GLI2: variants seen among roughly 807,000 people sequenced by gnomAD.
The protein encoded by GLI2 is transcription activator GLI2.
Under a neutral mutation model 78.9 loss-of-function variants are expected in GLI2, and 22 were observed. The ratio of observed to expected loss-of-function variants is 0.28; its 90% CI spans 0.20 to 0.40. The LOEUF (loss-of-function observed/expected upper bound fraction) is 0.40, where lower values mean the gene tolerates loss of function less well. Ranked by LOEUF, GLI2 falls within the 10% of genes least tolerant of loss-of-function variation. The probability of loss-of-function intolerance (pLI) is 1.00; values close to 1 mark genes in which losing one functional copy is unlikely to be tolerated. For synonymous variants in GLI2, 974 were observed against 963.7 expected, an observed-to-expected ratio of 1.01 and a Z score of -0.20; for missense variants, 2,097 against 2,213.2, an observed-to-expected ratio of 0.95 and a Z score of 1.05.
intron 11 of GLI2, among the ~76,000 whole-genome samples, chr2:120,983,738 C>A (rs1381929556): frequency 6.6e-6 from 1 of 152,314 alleles, no homozygotes; most frequent in Middle Eastern, 3.4e-3. Flanking sequence ...CAGGCTTACT[C>A]GGAAATGTAT....
chr2:120,948,917 A>G (rs752198725), intron 3 of GLI2, among the ~76,000 whole-genome samples: 5 of 152,138 alleles, frequency 3.3e-5, no homozygotes, highest in Non-Finnish European at 7.4e-5. Context: ...AAGTCAGGAC[A>G]GAAGGCACCT....
chr2:120,879,315 T>A (rs1257542881), intron 2 of GLI2, among the ~76,000 whole-genome samples: 1 of 152,142 alleles, frequency 6.6e-6, no homozygotes, highest in Non-Finnish European at 1.5e-5. Context: ...AGCTGAGTGT[T>A]GGGAAGGGCT....
chr2:120,769,011 C>A (rs1441118360), intron 1 of GLI2, among the ~76,000 whole-genome samples: 1 of 152,216 alleles, frequency 6.6e-6, no homozygotes, highest in African/African-American at 2.4e-5. Context: ...CCCAGGCTGG[C>A]CAGGCCCTAT....
At position 120,927,465 on chromosome 2, in the gene GLI2, G is replaced by T; in HGVS notation, c.253G>T (p.Gly85Trp). 1 of 1,603,204 alleles carries T rather than the reference G, an allele frequency of 6.2e-7. No individual in the cohort carries two copies. Among genetic ancestry groups the T allele is most frequent in the Non-Finnish European group, 8.5e-7 (1 of 1,170,108 alleles). ...GCCTCATTCTGTCCACGGTGTGCAC[G>T]GGTAAGTCCTGCCCTCTGCCTGCTG... ...YEPHSVHGVHGPPALSGSPVI... is the reference protein window; with the variant it reads ...YEPHSVHGVHWPPALSGSPVI... The change falls in exon 3 of 14, where the codon GGG becomes TGG. Residue 85 changes from glycine (G) to tryptophan (W), a missense_variant and splice_region_variant. By Grantham distance (184) the Gly-to-Trp change is radical. Around this residue, in one of 5 missense-constraint regions of GLI2, gnomAD observed 578 missense variants for 612.0 expected, o/e 0.94. Transcript: ENST00000361492.
chr2:120,912,730 A>G (rs958206354), intron 2 of GLI2, among the ~76,000 whole-genome samples: 1 of 151,144 alleles, frequency 6.6e-6, no homozygotes, highest in Admixed American at 6.6e-5. Context: ...CTTTCTGCGG[A>G]CCCTCTTATT....
intron 3 of GLI2, among the ~76,000 whole-genome samples, chr2:120,938,573 G>A (rs2871874): frequency 0.84 from 127,427 of 152,264 alleles, 57,420 homozygotes; most frequent in East Asian, 1. Flanking sequence ...AACTGAAAAC[G>A]GTGATTTCTT....
At chr2:120,963,012 G>A (rs1007375964) in intron 5 of GLI2, among the ~76,000 whole-genome samples, 4 of 152,278 alleles carry the variant, frequency 2.6e-5, no homozygotes, top group Admixed American at 1.3e-4. Flanking sequence ...CCTTTGAAGC[G>A]AGGATTGACA....
chr2:120,837,262 C>T (rs908421105), intron 2 of GLI2, among the ~76,000 whole-genome samples: 10 of 152,008 alleles, frequency 6.6e-5, no homozygotes, highest in South Asian at 4.2e-4. Flanking sequence ...GGTGTGGTGG[C>T]GGGCGCCTGT....
intron 2 of GLI2, among the ~76,000 whole-genome samples, chr2:120,807,227 G>T (rs944974664): frequency 3.3e-5 from 5 of 152,132 alleles, no homozygotes; most frequent in African/African-American, 1.2e-4. Context: ...CCTGGGCTTG[G>T]ACAGGTGAGG....
intron 5 of GLI2, among the ~76,000 whole-genome samples, chr2:120,957,865 A>G (rs944003531): frequency 1.3e-5 from 2 of 152,254 alleles, no homozygotes; most frequent in African/African-American, 4.8e-5. Flanking sequence ...CTTTAAGATG[A>G]GCAAATGGGC....
At chr2:120,910,796 C>G (rs530449872) in intron 2 of GLI2, among the ~76,000 whole-genome samples, 2 of 152,404 alleles carry the variant, frequency 1.3e-5, no homozygotes, top group African/African-American at 4.8e-5. Flanking sequence ...CCCTCCCGGA[C>G]TTGCCTCTGA....
chr2:120,823,153 G>A lies in GLI2; in HGVS notation c.148+25685G>A, dbSNP rs149985806. On this transcript the variant is annotated intron_variant, in intron 2 of 13. Transcript: ENST00000361492. Reference sequence around the variant, plus strand: ...ATGCAGCGGCCGCACACCGTCTTTGGTATGCCGTTTGGTCCCGGACTTAAT... The same window carrying A: ...ATGCAGCGGCCGCACACCGTCTTTGATATGCCGTTTGGTCCCGGACTTAAT... 2.8e-3 allele frequency among the ~76,000 whole-genome samples: 421 copies of A among 152,342 alleles called. 4 individuals are homozygous for A. Among genetic ancestry groups the A allele is most frequent in the Non-Finnish European group, 4.3e-3 (293 of 68,034 alleles).
chr2:120,781,308 G>C (rs1165628687), intron 1 of GLI2, among the ~76,000 whole-genome samples: 1 of 152,114 alleles, frequency 6.6e-6, no homozygotes, highest in Non-Finnish European at 1.5e-5. Flanking sequence ...AATGAGGCTG[G>C]GGCTTAGGGG....
At chr2:120,953,008 G>A (rs765569232) in intron 4 of GLI2, among the ~76,000 whole-genome samples, 1 of 152,238 alleles carries the variant, frequency 6.6e-6, no homozygotes, top group African/African-American at 2.4e-5. Flanking sequence ...CCTGAACAAC[G>A]GGTTGATGGT....
chr2:120,905,961 A>T (rs2104797092), intron 2 of GLI2, among the ~76,000 whole-genome samples: 1 of 149,558 alleles, frequency 6.7e-6, no homozygotes, highest in Non-Finnish European at 1.5e-5. Context: ...GGCTCCGGTT[A>T]CCTGCGTAGG....
At chr2:120,909,737 C>T (rs1341010283) in intron 2 of GLI2, among the ~76,000 whole-genome samples, 2 of 152,094 alleles carry the variant, frequency 1.3e-5, no homozygotes, top group Admixed American at 6.5e-5. Context: ...TGGTGGTGGG[C>T]GCCTGTGGTC....
intron 2 of GLI2, among the ~76,000 whole-genome samples, chr2:120,858,444 G>A (rs1687759816): frequency 6.6e-6 from 1 of 152,190 alleles, no homozygotes; most frequent in South Asian, 2.1e-4. Context: ...CTTGGCTCTG[G>A]GTCAGGGCCA....
intron 2 of GLI2, among the ~76,000 whole-genome samples, chr2:120,817,988 G>A (rs1685581537): frequency 6.6e-6 from 1 of 152,222 alleles, no homozygotes; most frequent in African/African-American, 2.4e-5. Flanking sequence ...CCCCTGGTTT[G>A]CCCAGGGCCT....
intron 2 of GLI2, among the ~76,000 whole-genome samples, chr2:120,902,277 C>A (rs574338975): frequency 1.4e-5 from 2 of 141,388 alleles, no homozygotes; most frequent in African/African-American, 2.6e-5. Context: ...ATTTAACAAC[C>A]GGCTATAGAG....
Sources: allele counts gnomAD v4.1 joint callset (sites outside exome capture counted in the v4.1 genomes callset), GRCh38; gene constraint gnomAD v4.1.1; regional missense constraint gnomAD v4.1.1; transcripts MANE v1.5; gene names NCBI Gene and HGNC (gene_info 2026-07-23, HGNC 2026-07-21).